LEKR1: variants seen among roughly 807,000 people sequenced by gnomAD.
LEKR1 encodes protein LEKR1.
A neutral mutation model predicts 72.4 loss-of-function variants in LEKR1; 59 were observed. The ratio of observed to expected loss-of-function variants is 0.82; its 90% CI spans 0.66 to 1.01. LEKR1 has a LOEUF of 1.01. LEKR1 is among the 50% of genes least tolerant of loss of function. LEKR1 has a pLI of 0.00. For missense variants in LEKR1, 728 were observed against 759.2 expected, an observed-to-expected ratio of 0.96 and a Z score of 0.48; for synonymous variants, 257 against 263.2, an observed-to-expected ratio of 0.98 and a Z score of 0.23.
chr3:157,019,552 CTTAAG>C (rs1416823830), intron 10 of LEKR1, among the ~76,000 whole-genome samples: 1 of 152,028 alleles, frequency 6.6e-6, no homozygotes, highest in Admixed American at 6.6e-5. Flanking sequence ...TTGTGTAATT[CTTAAG>C]TTAATATTAT....
intron 12 of LEKR1, among the ~76,000 whole-genome samples, chr3:157,030,643 C>T (rs1560159242): frequency 1.3e-5 from 2 of 152,176 alleles, no homozygotes; most frequent in Non-Finnish European, 2.9e-5. Flanking sequence ...CATTTATTAT[C>T]TCATAGCTTC....
chr3:156,953,971 T>G (rs1374183483), intron 6 of LEKR1, among the ~76,000 whole-genome samples: 1 of 152,016 alleles, frequency 6.6e-6, no homozygotes, highest in Non-Finnish European at 1.5e-5. Context: ...TTAAACTAAT[T>G]TGTACTCCCA....
chr3:156,865,198 C>A (rs925158449), intron 3 of LEKR1, among the ~76,000 whole-genome samples: 1 of 151,994 alleles, frequency 6.6e-6, no homozygotes, highest in Non-Finnish European at 1.5e-5. Flanking sequence ...CACTCTGCAG[C>A]ATTAAGGTAG....
At chr3:156,836,488 A>G (rs1043177465) in intron 2 of LEKR1, among the ~76,000 whole-genome samples, 7 of 152,228 alleles carry the variant, frequency 4.6e-5, no homozygotes, top group Admixed American at 2.0e-4. Context: ...TATAGTGTAA[A>G]TATCAACTTT....
At chr3:156,970,177 C>T (rs1729029792) in intron 6 of LEKR1, among the ~76,000 whole-genome samples, 1 of 152,178 alleles carries the variant, frequency 6.6e-6, no homozygotes, top group Admixed American at 6.5e-5. Flanking sequence ...GCTGAATGGG[C>T]AAAAACTGGA....
At chr3:156,864,353 A>C (rs1022103831) in intron 3 of LEKR1, among the ~76,000 whole-genome samples, 5 of 152,012 alleles carry the variant, frequency 3.3e-5, no homozygotes, top group African/African-American at 1.2e-4. Context: ...CACTCTTCAT[A>C]CAAGTACCCT....
chr3:156,956,824 A>G (rs1271763230), intron 6 of LEKR1, among the ~76,000 whole-genome samples: 5 of 152,086 alleles, frequency 3.3e-5, no homozygotes, highest in South Asian at 4.1e-4. Context: ...GATTTATTCA[A>G]CTGTGTAAGA....
chr3:157,013,385 T>C (rs759899256), intron 10 of LEKR1, among the ~76,000 whole-genome samples: 1 of 152,176 alleles, frequency 6.6e-6, no homozygotes, highest in Admixed American at 6.6e-5. Flanking sequence ...CTTGAGGTGC[T>C]AACACAGAGT....
intron 2 of LEKR1, among the ~76,000 whole-genome samples, chr3:156,848,422 AAACAT>A (rs1337139022): frequency 6.6e-6 from 1 of 152,216 alleles, no homozygotes; most frequent in Non-Finnish European, 1.5e-5. Context: ...ATATTAGACA[AAACAT>A]AACCCTTGGG....
chr3:156,828,981 CATT>C (rs1158002346), intron 1 of LEKR1, among the ~76,000 whole-genome samples: 1 of 152,060 alleles, frequency 6.6e-6, no homozygotes, highest in Non-Finnish European at 1.5e-5. Flanking sequence ...AAATTTTAGT[CATT>C]ATGTATTTGA....
At chr3:157,034,233 A>G (rs1353336462) in intron 12 of LEKR1, among the ~76,000 whole-genome samples, 1 of 152,208 alleles carries the variant, frequency 6.6e-6, no homozygotes, top group Non-Finnish European at 1.5e-5. Context: ...TAAGAAATAT[A>G]TTTCATAAGA....
chr3:156,874,613 T>A (rs559174242), intron 3 of LEKR1, among the ~76,000 whole-genome samples: 31 of 152,242 alleles, frequency 2.0e-4, no homozygotes, highest in African/African-American at 7.0e-4. Context: ...AGCGGTAATT[T>A]CTGAGATTTT....
chr3:156,970,042 T>C (rs953219155), intron 6 of LEKR1, among the ~76,000 whole-genome samples: 3 of 152,212 alleles, frequency 2.0e-5, no homozygotes, highest in African/African-American at 7.2e-5. Flanking sequence ...TCTCAATAGA[T>C]GCAGAAAAGG....
intron 6 of LEKR1, among the ~76,000 whole-genome samples, chr3:156,950,711 A>G (rs1437248749): frequency 6.6e-6 from 1 of 151,428 alleles, no homozygotes; most frequent in African/African-American, 2.4e-5. Context: ...TTGTACATTG[A>G]TTTTGTATCC....
At chr3:156,869,767 A>G (rs890074377) in intron 3 of LEKR1, among the ~76,000 whole-genome samples, 8 of 151,918 alleles carry the variant, frequency 5.3e-5, no homozygotes, top group Non-Finnish European at 1.2e-4. Flanking sequence ...GGTCTTAGCT[A>G]TAAAGTCTCT....
chr3:156,927,458 G>T lies in LEKR1; in HGVS notation c.413G>T (p.Trp138Leu). Residue 138 changes from tryptophan (W) to leucine (L), a missense_variant, in exon 5 of 13, where the codon TGG becomes TTG. Trp to Leu is a moderately conservative substitution (Grantham distance 61). Transcript: ENST00000356539. ...SQRLSEYKYF[W>L]NKTLSLLTFT... ...AGATTGTCAGAGTACAAATATTTCT[G>T]GAATAAGACTCTTTCATTACTTACT... 2.7e-6 allele frequency: 3 copies of T among 1,126,512 alleles called. No homozygotes were observed. Among genetic ancestry groups the T allele is most frequent in the Admixed American group, 4.8e-5 (1 of 20,840 alleles). The allele number at this position is 1,126,512 out of a possible 1,614,324, so 69.8% of individuals were successfully genotyped here.
intron 6 of LEKR1, chr3:156,977,968 C>T (rs1234060136): frequency 6.5e-6 from 1 of 153,840 alleles, no homozygotes; most frequent in Non-Finnish European, 1.5e-5. Context: ...TCATCCAAAA[C>T]TTCCATATGG....
intron 6 of LEKR1, among the ~76,000 whole-genome samples, chr3:156,959,309 C>A (rs2107982312): frequency 6.6e-6 from 1 of 152,256 alleles, no homozygotes; most frequent in South Asian, 2.1e-4. Flanking sequence ...TATTAGAAAT[C>A]ACTTAAATTC....
chr3:156,844,630 G>A (rs952921820), intron 2 of LEKR1, among the ~76,000 whole-genome samples: 10 of 149,518 alleles, frequency 6.7e-5, no homozygotes, highest in Non-Finnish European at 1.0e-4. Context: ...AATATTTTGG[G>A]ATTAGCTTTT....
Sources: allele counts gnomAD v4.1 joint callset (sites outside exome capture counted in the v4.1 genomes callset), GRCh38; gene constraint gnomAD v4.1.1; transcripts MANE v1.5; gene names NCBI Gene and HGNC (gene_info 2026-07-23, HGNC 2026-07-21).